The following DAB1 variants were observed in gnomAD, a reference collection of about 807,000 sequenced individuals.
DAB1 encodes DAB adaptor protein 1.
Under a neutral mutation model 64.6 loss-of-function variants are expected in DAB1, and 15 were observed. The ratio of observed to expected loss-of-function variants is 0.23; its 90% CI spans 0.16 to 0.36. The LOEUF (loss-of-function observed/expected upper bound fraction) is 0.36, where lower values mean the gene tolerates loss of function less well. DAB1 is among the 10% of genes least tolerant of loss of function. The pLI is 1.00. For synonymous variants in DAB1, 235 were observed against 251.9 expected (o/e 0.93, Z 0.64); for missense variants, 596 against 706.7 (o/e 0.84, Z 1.78).
chr1:58,152,361 A>T (rs1297993132), intron 4 of DAB1, among the ~76,000 whole-genome samples: 1 of 152,206 alleles, frequency 6.6e-6, no homozygotes, highest in Admixed American at 6.5e-5. Flanking sequence ...GGTAAAGAGA[A>T]ATGCCACAGT....
chr1:58,011,864 T>C (rs1646673352), intron 5 of DAB1, among the ~76,000 whole-genome samples: 1 of 152,094 alleles, frequency 6.6e-6, no homozygotes. Context: ...CTAATTTTTG[T>C]ATTTTTAGTA....
At chr1:57,699,120 TAGTAG>T in intron 6 of DAB1, among the ~76,000 whole-genome samples, 1 of 152,236 alleles carries the variant, frequency 6.6e-6, no homozygotes, top group East Asian at 1.9e-4. Flanking sequence ...TAATTTTTCT[TAGTAG>T]ACACGGGGTA....
At chr1:57,663,695 T>G (rs2101673522) in intron 6 of DAB1, among the ~76,000 whole-genome samples, 1 of 152,274 alleles carries the variant, frequency 6.6e-6, no homozygotes, top group Non-Finnish European at 1.5e-5. Flanking sequence ...TTAAGATATA[T>G]CTCAGGCTTA....
intron 4 of DAB1, among the ~76,000 whole-genome samples, chr1:58,265,867 CT>C (rs1370154903): frequency 6.6e-6 from 1 of 152,140 alleles, no homozygotes; most frequent in Non-Finnish European, 1.5e-5. Flanking sequence ...AGGTGATTTC[CT>C]CATAAATGAC....
At chr1:58,130,567 T>A (rs941747048) in intron 5 of DAB1, among the ~76,000 whole-genome samples, 9 of 152,134 alleles carry the variant, frequency 5.9e-5, no homozygotes, top group Non-Finnish European at 1.0e-4. Context: ...GGTCTTTACA[T>A]TTTGGCATGA....
intron 1 of DAB1, among the ~76,000 whole-genome samples, chr1:57,883,076 C>T (rs1307081007): frequency 6.6e-6 from 1 of 152,194 alleles, no homozygotes; most frequent in Non-Finnish European, 1.5e-5. Context: ...AAATAAAACG[C>T]TTGCTCTGTT....
chr1:57,658,797 T>C (rs1342368211), intron 6 of DAB1, among the ~76,000 whole-genome samples: 1 of 152,202 alleles, frequency 6.6e-6, no homozygotes, highest in East Asian at 1.9e-4. Context: ...CTCCAACTCC[T>C]GGCCCCAAGC....
chr1:58,037,706 C>A (rs1376450500), intron 5 of DAB1, among the ~76,000 whole-genome samples: 1 of 152,036 alleles, frequency 6.6e-6, no homozygotes, highest in Non-Finnish European at 1.5e-5. Flanking sequence ...AGGCTGGGGA[C>A]TGCTGCCTTA....
chr1:58,006,035 A>C (rs1057417386), intron 5 of DAB1, among the ~76,000 whole-genome samples: 1 of 152,186 alleles, frequency 6.6e-6, no homozygotes, highest in Admixed American at 6.5e-5. Context: ...GTGGCAAAAT[A>C]GCACTACTAT....
intron 7 of DAB1, among the ~76,000 whole-genome samples, chr1:57,504,920 T>C (rs929887847): frequency 2.0e-5 from 3 of 152,168 alleles, no homozygotes; most frequent in South Asian, 2.1e-4. Context: ...AGAACTCCTT[T>C]AAATTGTTAA....
intron 6 of DAB1, among the ~76,000 whole-genome samples, chr1:57,679,756 G>C (rs1203788702): frequency 1.1e-4 from 16 of 152,110 alleles, no homozygotes. Flanking sequence ...CTAAGCCTTT[G>C]GGAATAGCAA....
chr1:58,245,699 A>C (rs976875757), intron 4 of DAB1, among the ~76,000 whole-genome samples: 4 of 152,196 alleles, frequency 2.6e-5, no homozygotes, highest in Admixed American at 2.0e-4. Context: ...TATCTGTAAA[A>C]TAAGGATTAC....
chr1:58,303,612 C>T (rs1053608139), intron 4 of DAB1, among the ~76,000 whole-genome samples: 3 of 152,122 alleles, frequency 2.0e-5, no homozygotes, highest in African/African-American at 4.8e-5. Flanking sequence ...CATATGGAAT[C>T]CTATGTCATT....
chr1:57,609,546 G>A (rs1645700963), intron 7 of DAB1, among the ~76,000 whole-genome samples: 1 of 152,180 alleles, frequency 6.6e-6, no homozygotes, highest in South Asian at 2.1e-4. Context: ...GGAAAAAAGA[G>A]CAGTTCATTA....
chr1:57,031,129 A>T (rs1462039925), intron 9 of DAB1, among the ~76,000 whole-genome samples: 2 of 152,230 alleles, frequency 1.3e-5, no homozygotes, highest in Non-Finnish European at 2.9e-5. Flanking sequence ...ATTAAACGAG[A>T]AAAACATGCA....
chr1:57,065,387 G>T (rs1415333289), intron 8 of DAB1, among the ~76,000 whole-genome samples: 1 of 152,178 alleles, frequency 6.6e-6, no homozygotes, highest in Non-Finnish European at 1.5e-5. Context: ...TGATTTAACA[G>T]AGCTCCTTGT....
intron 4 of DAB1, among the ~76,000 whole-genome samples, chr1:57,120,840 T>G (rs1656571053): frequency 6.6e-6 from 1 of 152,202 alleles, no homozygotes; most frequent in South Asian, 2.1e-4. Context: ...TAGCACATTT[T>G]GTTTACTCAT....
chr1:58,248,130 C>T (rs1366898958), intron 4 of DAB1, among the ~76,000 whole-genome samples: 1 of 152,006 alleles, frequency 6.6e-6, no homozygotes, highest in South Asian at 2.1e-4. Flanking sequence ...TGAATGGTGG[C>T]CATTCATTTT....
intron 6 of DAB1, among the ~76,000 whole-genome samples, chr1:57,749,067 TG>T (rs1282655155): frequency 1.3e-5 from 2 of 152,224 alleles, no homozygotes; most frequent in African/African-American, 4.8e-5. Context: ...GAGAAGCCAT[TG>T]GTCTTGTTAT....
Sources: allele counts gnomAD v4.1 joint callset (sites outside exome capture counted in the v4.1 genomes callset), GRCh38; gene constraint gnomAD v4.1.1; transcripts MANE v1.5; gene names NCBI Gene and HGNC (gene_info 2026-07-23, HGNC 2026-07-21).